Variants in GNAZ observed in about 807,000 individuals in gnomAD.
GNAZ encodes G protein subunit alpha z, also known as guanine nucleotide-binding protein G(z) subunit alpha.
Under a neutral mutation model 25.4 loss-of-function variants are expected in GNAZ, and 3 were observed. That is an observed-to-expected ratio of 0.12 (90% CI 0.05 to 0.30). The LOEUF (loss-of-function observed/expected upper bound fraction) is 0.30, where lower values mean the gene tolerates loss of function less well. GNAZ is among the 10% of genes least tolerant of loss of function. The probability of loss-of-function intolerance (pLI) is 1.00; values close to 1 mark genes in which losing one functional copy is unlikely to be tolerated. For synonymous variants in GNAZ, 211 were observed against 205.7 expected, an observed-to-expected ratio of 1.03 and a Z score of -0.22; for missense variants, 241 against 501.8, an observed-to-expected ratio of 0.48 and a Z score of 4.97.
chr22:23,121,171 A>G (rs2070015507), intron 2 of GNAZ, among the ~76,000 whole-genome samples: 1 of 152,230 alleles, frequency 6.6e-6, no homozygotes, highest in Admixed American at 6.5e-5. Flanking sequence ...CTCTGCAGAA[A>G]GGCCAGCACC....
intron 2 of GNAZ, among the ~76,000 whole-genome samples, chr22:23,106,727 G>A (rs1222853224): frequency 6.6e-6 from 1 of 152,366 alleles, no homozygotes; most frequent in African/African-American, 2.4e-5. Context: ...GGGCATGCTG[G>A]TGCACTGCAT....
intron 2 of GNAZ, among the ~76,000 whole-genome samples, chr22:23,108,301 A>G (rs377349280): frequency 2.0e-5 from 3 of 152,250 alleles, no homozygotes; most frequent in Non-Finnish European, 4.4e-5. Flanking sequence ...GCCATGGGCA[A>G]TGAGAACAGG....
At chr22:23,081,933 G>C (rs2068690777) in intron 1 of GNAZ, among the ~76,000 whole-genome samples, 1 of 151,224 alleles carries the variant, frequency 6.6e-6, no homozygotes. Context: ...AGACCATCCT[G>C]GCTAACACAG....
In GNAZ at chr22:23,073,055, T is replaced by G. The variant is rs1435298390; in HGVS notation, c.-450+2485T>G. On this transcript the variant is annotated intron_variant, in intron 1 of 2. Transcript: ENST00000615612. ...GTCATCTTGTGTGTGAACACATGTG[T>G]GCGGCTTCCTCCCCTGGAGGCAAGG... Among the ~76,000 whole-genome samples, 3 of 152,362 alleles carry G rather than the reference T, an allele frequency of 2.0e-5. No homozygotes were observed. The East Asian group carries it at 5.8e-4, about 29-fold the overall frequency.
chr22:23,081,821 CAAAAAAA>C (rs55713577), intron 1 of GNAZ, among the ~76,000 whole-genome samples: 3 of 46,746 alleles, frequency 6.4e-5, no homozygotes, highest in Non-Finnish European at 1.1e-4. Context: ...GATTCCATCT[CAAAAAAA>C]AAAAAAAAAA....
At chr22:23,121,931 CTG>C (rs1027454277) in intron 2 of GNAZ, among the ~76,000 whole-genome samples, 1 of 152,042 alleles carries the variant, frequency 6.6e-6, no homozygotes, top group African/African-American at 2.4e-5. Context: ...TGAAGTTTCA[CTG>C]TGTTGGCCAG....
intron 2 of GNAZ, among the ~76,000 whole-genome samples, chr22:23,114,672 G>A (rs900849374): frequency 4.6e-5 from 7 of 152,246 alleles, no homozygotes; most frequent in Non-Finnish European, 1.0e-4. Context: ...GCCCCCTCAC[G>A]AGGGAAGTAT....
chr22:23,108,944 G>T (rs867522246), intron 2 of GNAZ, among the ~76,000 whole-genome samples: 1 of 152,218 alleles, frequency 6.6e-6, no homozygotes, highest in African/African-American at 2.4e-5. Context: ...CTTAGGAATT[G>T]TCTGAGGGTG....
intron 2 of GNAZ, among the ~76,000 whole-genome samples, chr22:23,099,086 C>T (rs981707027): frequency 7.9e-5 from 12 of 152,232 alleles, no homozygotes; most frequent in African/African-American, 2.4e-4. Context: ...CTTCCAAGGC[C>T]TCATCTTCCC....
In GNAZ at chr22:23,123,464, G is replaced by T; in HGVS notation, c.*33G>T. Reference sequence around the variant, plus strand: ...GGCCCGGGGCCCGCCTGCCTATGGTGAAACCCACGGGGTGTCATGCCCCAA... The same window carrying T: ...GGCCCGGGGCCCGCCTGCCTATGGTTAAACCCACGGGGTGTCATGCCCCAA... On this transcript the variant is annotated 3_prime_UTR_variant, in exon 3 of 3. Transcript: ENST00000615612. The T allele has an allele frequency of 7.0e-7, 1 of 1,437,576 alleles. No individual in the cohort carries two copies. The highest frequency in any genetic ancestry group is 9.7e-7 in the Non-Finnish European group (1 of 1,031,964). 89.1% of individuals were successfully genotyped at this position (1,437,576 alleles called of 1,614,324 possible).
intron 1 of GNAZ, among the ~76,000 whole-genome samples, chr22:23,077,378 A>G (rs1312727901): frequency 1.3e-5 from 2 of 152,134 alleles, no homozygotes; most frequent in Admixed American, 6.5e-5. Context: ...TGCTTCGTTC[A>G]TGGCAGCCTC....
At chr22:23,122,455 G>A (rs2070058148) in intron 2 of GNAZ, 1 of 152,990 alleles carries the variant, frequency 6.5e-6, no homozygotes. Flanking sequence ...CCCACAGCTG[G>A]AGGGCAGGGG....
Position 23,071,797 on chromosome 22 carries a change from A to G in GNAZ, c.-450+1227A>G, listed in dbSNP as rs762817961. 5.9e-5 allele frequency among the ~76,000 whole-genome samples: 9 copies of G among 152,218 alleles called. No individual in the cohort carries two copies. The highest frequency in any genetic ancestry group is 1.2e-4 in the Non-Finnish European group (8 of 68,038). On this transcript the variant is annotated intron_variant, in intron 1 of 2. Coordinates refer to ENST00000615612, the MANE Select transcript of GNAZ (RefSeq NM_002073.4). This position sits in a 1 kb window ranked among gnomAD's most constrained non-coding sequence, Gnocchi z 4.1. ...ACATGACATTTGAACTGGAGCTTGA[A>G]GGACATGGGCACAGCTAAGCTGGGC... is the stretch of plus-strand genomic sequence containing the variant.
intron 2 of GNAZ, among the ~76,000 whole-genome samples, chr22:23,098,917 T>C (rs1163372674): frequency 2.0e-5 from 3 of 152,228 alleles, no homozygotes; most frequent in Non-Finnish European, 4.4e-5. Context: ...CACTCTGCTC[T>C]CTCCTTTTGG....
chr22:23,096,099 CA>C lies in GNAZ; in HGVS notation c.405del (p.Ala137HisfsTer21). On this transcript the variant is annotated frameshift_variant, in exon 2 of 3. Coordinates refer to ENST00000615612, the MANE Select transcript of GNAZ (RefSeq NM_002073.4). LOFTEE classifies it high-confidence loss of function. ...LGVMRRLWAD[P>X]GAQACFSRSS... Reference sequence around the variant, plus strand: ...GTCATGCGACGGCTCTGGGCCGACCCAGGGGCACAGGCCTGCTTCAGCCGCT... The same window carrying C: ...GTCATGCGACGGCTCTGGGCCGACCCGGGGCACAGGCCTGCTTCAGCCGCT... 1 of 1,610,578 alleles carries C rather than the reference CA, an allele frequency of 6.2e-7. No individual in the cohort carries two copies.
chr22:23,115,295 T>C (rs764595419), intron 2 of GNAZ, among the ~76,000 whole-genome samples: 5 of 152,114 alleles, frequency 3.3e-5, no homozygotes, highest in Non-Finnish European at 5.9e-5. Context: ...GAGCTGATGG[T>C]GTACGTTCAG....
At chr22:23,097,451 A>G (rs572228393) in intron 2 of GNAZ, among the ~76,000 whole-genome samples, 127 of 152,258 alleles carry the variant, frequency 8.3e-4, no homozygotes, top group African/African-American at 2.8e-3. Flanking sequence ...GAGAGAGAGG[A>G]TCTTTGGCTT....
chr22:23,099,781 G>A (rs2069241138), intron 2 of GNAZ, among the ~76,000 whole-genome samples: 1 of 152,220 alleles, frequency 6.6e-6, no homozygotes, highest in Non-Finnish European at 1.5e-5. Flanking sequence ...AAGGCAAAGT[G>A]GAGAAGCTGG....
chr22:23,123,291 G>C lies in GNAZ; in HGVS notation c.928G>C (p.Asp310His). ...TGTCTACATCCAGCGGCAGTTTGAA[G>C]ACCTGAACCGCAACAAGGAGACCAA... ...AAVYIQRQFEDLNRNKETKEI... is the reference protein window; with the variant it reads ...AAVYIQRQFEHLNRNKETKEI... The change falls in exon 3 of 3, where the codon GAC becomes CAC. Residue 310 changes from aspartate to histidine, a missense_variant. Transcript: ENST00000615612. 6.2e-7 allele frequency: 1 copy of C among 1,614,076 alleles called. No homozygotes were observed. Among genetic ancestry groups the C allele is most frequent in the South Asian group, 1.1e-5 (1 of 91,082 alleles).
Sources: gnomAD v4.1 joint callset for allele counts (sites outside exome capture counted in the v4.1 genomes callset) on GRCh38, gnomAD v4.1.1 for gene constraint, Gnocchi (gnomAD v3.1) non-coding constraint, MANE v1.5 for transcripts, NCBI Gene and HGNC (gene_info 2026-07-23, HGNC 2026-07-21) for gene names.